The following ZNF175 variants were observed in gnomAD, a reference collection of about 807,000 sequenced individuals.
ZNF175 encodes zinc finger protein 175.
ZNF175 carries 8 observed loss-of-function variants against 14.0 expected under a neutral mutation model. The observed-to-expected ratio is 0.57, with a 90% confidence interval of 0.34 to 1.03. The LOEUF is 1.03. ZNF175 is among the 50% of genes least tolerant of loss of function. The pLI is 0.03. For missense variants in ZNF175, 764 were observed against 849.5 expected (o/e 0.90, Z 1.25); for synonymous variants, 255 against 296.8 (o/e 0.86, Z 1.45).
In ZNF175 at chr19:51,587,677, G is replaced by C; in HGVS notation, c.1346G>C (p.Cys449Ser). The C allele has an allele frequency of 6.2e-7, 1 of 1,614,060 alleles. No individual in the cohort carries two copies. ...CACTCAGGGCAGAAGTCCTATGTGTGTATCGAATGCGGGCAGGCCTTCATC... is the reference window on the plus strand; with the variant it reads ...CACTCAGGGCAGAAGTCCTATGTGTCTATCGAATGCGGGCAGGCCTTCATC... The part of the protein sequence containing the change: ...RIHSGQKSYV[C>S]IECGQAFIQK... Residue 449 changes from cysteine (C) to serine (S), a missense_variant, in exon 5 of 5, where the codon TGT (cysteine) becomes TCT (serine). Coordinates refer to ENST00000262259, the MANE Select transcript of ZNF175 (RefSeq NM_007147.4).
chr19:51,576,213 C>T (rs913679470), intron 2 of ZNF175, among the ~76,000 whole-genome samples: 3 of 149,530 alleles, frequency 2.0e-5, no homozygotes, highest in African/African-American at 4.9e-5. Flanking sequence ...TGCAATGGCG[C>T]GATCTTGGCT....
chr19:51,586,610 T>G lies in ZNF175; in HGVS notation c.296-17T>G, dbSNP rs1181227438. On this transcript the variant is annotated splice_polypyrimidine_tract_variant and intron_variant, in intron 4 of 4. Transcript: ENST00000262259. ...CTTGTTCATTGTGTCTATTTCATCT[T>G]CTCTTTCTCCTTTTAGAAAGGGAGT... is the stretch of plus-strand genomic sequence containing the variant. The G allele has an allele frequency of 6.4e-7, 1 of 1,564,542 alleles. No individual in the cohort carries two copies.
intron 2 of ZNF175, among the ~76,000 whole-genome samples, chr19:51,579,135 C>A (rs1981908903): frequency 6.6e-6 from 1 of 151,740 alleles, no homozygotes; most frequent in East Asian, 1.9e-4. Flanking sequence ...CACCTGTAAT[C>A]CCAGCTACTT....
In ZNF175 at chr19:51,587,235, A is replaced by G; in HGVS notation, c.904A>G (p.Ser302Gly). 1.9e-6 allele frequency: 3 copies of G among 1,614,208 alleles called. No individual in the cohort carries two copies. The highest frequency in any genetic ancestry group is 2.5e-6 in the Non-Finnish European group (3 of 1,180,028). ...SHLFAQQRIH[S>G]VGNLHECGKC... ...CCTCTTTGCCCAACAGAGAATTCATAGTGTAGGAAACCTCCATGAATGTGG... is the reference window on the plus strand; with the variant it reads ...CCTCTTTGCCCAACAGAGAATTCATGGTGTAGGAAACCTCCATGAATGTGG... Residue 302 changes from serine (S) to glycine (G), a missense_variant, in exon 5 of 5, where the codon AGT becomes GGT. Ser to Gly is a moderately conservative substitution (Grantham distance 56). Coordinates refer to ENST00000262259, the MANE Select transcript of ZNF175 (RefSeq NM_007147.4).
rs760956036 is a variant in ZNF175, at chr19:51,581,495, C to G, written c.177C>G (p.Leu59=). 1.2e-5 allele frequency: 19 copies of G among 1,613,824 alleles called. No homozygotes were observed. The African/African-American group carries it at 2.4e-4, about 20-fold the overall frequency. Residue 59 remains leucine (L), a synonymous_variant, in exon 3 of 5, where the codon CTC becomes CTG. Coordinates refer to ENST00000262259, the MANE Select transcript of ZNF175 (RefSeq NM_007147.4). ...TGTACCGGGATGTGATGCTGGAGCT[C>G]TATAGCCATCTCTTCGCAGTGGGTG... ...RCLYRDVMLE[L]YSHLFAVGYH... is the part of the protein sequence containing the mutation.
intron 2 of ZNF175, among the ~76,000 whole-genome samples, chr19:51,577,873 C>G (rs1434691993): frequency 6.6e-6 from 1 of 151,358 alleles, no homozygotes; most frequent in African/African-American, 2.4e-5. Context: ...CCGTGTTAGC[C>G]AGGATGGTCT....
chr19:51,579,678 C>CAA (rs1214072316), intron 2 of ZNF175, among the ~76,000 whole-genome samples: 4 of 152,142 alleles, frequency 2.6e-5, no homozygotes, highest in South Asian at 2.1e-4. Flanking sequence ...TTGGTACAAC[C>CAA]AATTTGGAAA....
intron 2 of ZNF175, among the ~76,000 whole-genome samples, chr19:51,576,817 C>T (rs923229559): frequency 1.3e-5 from 2 of 151,968 alleles, no homozygotes; most frequent in African/African-American, 4.8e-5. Flanking sequence ...CTTTCTCTTC[C>T]ACGGTTTACC....
intron 2 of ZNF175, among the ~76,000 whole-genome samples, chr19:51,580,428 G>A (rs771864703): frequency 1.4e-4 from 21 of 152,102 alleles, no homozygotes; most frequent in Non-Finnish European, 2.8e-4. Context: ...GCAGTCATTG[G>A]TGATCAGTAA....
chr19:51,572,600 C>T (rs1981631983), intron 1 of ZNF175, among the ~76,000 whole-genome samples: 1 of 152,128 alleles, frequency 6.6e-6, no homozygotes, highest in Non-Finnish European at 1.5e-5. Context: ...GGAAGCTGGC[C>T]ACGTATGGGT....
At chr19:51,576,982 C>CA (rs1327659290) in intron 2 of ZNF175, among the ~76,000 whole-genome samples, 1 of 152,080 alleles carries the variant, frequency 6.6e-6, no homozygotes, top group Non-Finnish European at 1.5e-5. Flanking sequence ...GTTGAGGCTG[C>CA]AGTGAGCTGT....
intron 4 of ZNF175, 60 bp from the exon 5 acceptor site, chr19:51,586,567 A>C: frequency 6.7e-7 from 1 of 1,500,888 alleles, no homozygotes; most frequent in Non-Finnish European, 8.9e-7. Context: ...AATCAGCTTC[A>C]TGCAGTTTCT....
In ZNF175 at chr19:51,588,249, G is replaced by A. The variant is rs199635846; in HGVS notation, c.1918G>A (p.Glu640Lys). The A allele has an allele frequency of 1.5e-4, 241 of 1,613,966 alleles. No homozygotes were observed. The highest frequency in any genetic ancestry group is 2.0e-4 in the Non-Finnish European group (232 of 1,180,004). ...TACCCATCAAAGAACTCACATGGGA[G>A]AGAAACCCTATGAATGCCTTGACTG... ...LITHQRTHMG[E>K]KPYECLDCGK... Residue 640 changes from glutamate to lysine, a missense_variant, in exon 5 of 5, where the codon GAG becomes AAG. By Grantham distance (56) the Glu-to-Lys change is moderately conservative (BLOSUM62 1). Transcript: ENST00000262259.
At position 51,588,029 on chromosome 19, in the gene ZNF175, A is replaced by G. The variant is rs1461459476; in HGVS notation, c.1698A>G (p.Lys566=). The G allele has an allele frequency of 6.8e-6, 11 of 1,614,080 alleles. No individual in the cohort carries two copies. The highest frequency in any genetic ancestry group is 8.5e-7 in the Non-Finnish European group (1 of 1,180,018). ...CTTACAAATGCAGTGAATGTGGGAAAGCCTTCACTTCTAAGTCTCAATTCA... is the reference window on the plus strand; with the variant it reads ...CTTACAAATGCAGTGAATGTGGGAAGGCCTTCACTTCTAAGTCTCAATTCA... ...EKPYKCSECG[K]AFTSKSQFKE... is the part of the protein sequence containing the mutation. The change falls in exon 5 of 5, where the codon AAA becomes AAG. Residue 566 remains lysine, a synonymous_variant. Coordinates refer to ENST00000262259, the MANE Select transcript of ZNF175 (RefSeq NM_007147.4).
At chr19:51,581,116 G>C (rs1433921958) in intron 2 of ZNF175, among the ~76,000 whole-genome samples, 1 of 151,822 alleles carries the variant, frequency 6.6e-6, no homozygotes, top group African/African-American at 2.4e-5. Flanking sequence ...ACATCATGCT[G>C]GTTATTCCTA....
chr19:51,581,686 G>A lies in ZNF175; in HGVS notation c.200-101G>A, dbSNP rs114970672. On this transcript the variant is annotated intron_variant, in intron 3 of 4. Coordinates refer to ENST00000262259, the MANE Select transcript of ZNF175 (RefSeq NM_007147.4). ...TTCTAGTATTATTTTGTGCCCAGTG[G>A]AAAATGTTGACTTTTCTAATGAGCC... 6.3e-4 allele frequency: 966 copies of A among 1,531,642 alleles called. 7 individuals are homozygous for A. In the African/African-American group the frequency reaches 0.011, roughly 18 times the overall value. 94.9% of individuals were successfully genotyped at this position (1,531,642 alleles called of 1,614,324 possible). A position where few individuals can be genotyped will look rare whatever the true frequency, so the allele number is the denominator to read the frequency against.
At position 51,588,257 on chromosome 19, in the gene ZNF175, CT is replaced by C; in HGVS notation, c.1927del (p.Tyr643MetfsTer63). ...AAAGAACTCACATGGGAGAGAAACC[CT>C]ATGAATGCCTTGACTGTGGGAAATC... The part of the protein sequence containing the change: ...HQRTHMGEKP[Y>X]ECLDCGKSFS... On this transcript the variant is annotated frameshift_variant, in exon 5 of 5. Coordinates refer to ENST00000262259, the MANE Select transcript of ZNF175 (RefSeq NM_007147.4). LOFTEE classifies it low-confidence loss of function (END_TRUNC). 1 of 1,613,830 alleles carries C rather than the reference CT, an allele frequency of 6.2e-7. No homozygotes were observed. Among genetic ancestry groups the C allele is most frequent in the South Asian group, 1.1e-5 (1 of 91,026 alleles).
rs111706841 is a variant in ZNF175, at chr19:51,586,968, G to A, written c.637G>A (p.Gly213Ser). 1,402 of 1,614,110 alleles carry A rather than the reference G, an allele frequency of 8.7e-4. 13 individuals carry two copies. The African/African-American group carries it at 0.016, about 19-fold the overall frequency. ...TTTGAAGCTGAACCTAGAAGTGAAC[G>A]GTCAGAATGAAAGCAATGACACAGA... The part of the protein sequence containing the change: ...ESLKLNLEVN[G>S]QNESNDTEQL... Residue 213 changes from glycine to serine, a missense_variant, in exon 5 of 5, where the codon GGT becomes AGT. Transcript: ENST00000262259.
rs111834146 is a variant in ZNF175 at position 51,575,635 on chromosome 19, T to C, written c.72+2234T>C. Among the ~76,000 whole-genome samples the C allele has an allele frequency of 3.2e-3, 493 of 152,304 alleles. 4 individuals are homozygous for C. The highest frequency in any genetic ancestry group is 5.4e-3 in the Non-Finnish European group (365 of 68,014). On this transcript the variant is annotated intron_variant, in intron 2 of 4. Coordinates refer to ENST00000262259, the MANE Select transcript of ZNF175 (RefSeq NM_007147.4). ...AGCCTGTAATCTTTTAAAAGGGCTG[T>C]CACTTGCTATATTTTTACCAAAGTT... is the stretch of plus-strand genomic sequence containing the variant.
Sources: gnomAD v4.1 joint callset for allele counts (sites outside exome capture counted in the v4.1 genomes callset) on GRCh38, gnomAD v4.1.1 for gene constraint, MANE v1.5 for transcripts, NCBI Gene and HGNC (gene_info 2026-07-23, HGNC 2026-07-21) for gene names.